The following TF variants were observed in gnomAD, a reference collection of about 807,000 sequenced individuals.
TF encodes transferrin, also known as serotransferrin.
Under a neutral mutation model 82.4 loss-of-function variants are expected in TF, and 55 were observed. The observed-to-expected ratio is 0.67, with a 90% CI of 0.54 to 0.84. The LOEUF (loss-of-function observed/expected upper bound fraction) is 0.84. TF is among the 40% of genes least tolerant of loss of function. TF has a pLI of 0.00. For missense variants in TF, 737 were observed against 868.4 expected (o/e 0.85, Z 1.90); for synonymous variants, 332 against 332.6 (o/e 1.00, Z 0.02).
At chr3:133,775,101 T>A (rs1934353381) in intron 14 of TF, 1 of 386,142 alleles carries the variant, frequency 2.6e-6, no homozygotes, top group Middle Eastern at 4.2e-4. Flanking sequence ...ACATTCTTCC[T>A]CTGTTGGAGC....
At chr3:133,707,515 G>C in the TF span, 1 of 152,146 alleles carries the variant, frequency 6.6e-6, no homozygotes, top group Non-Finnish European at 1.5e-5. Flanking sequence ...GGGTTCCACT[G>C]CCACCATTTA....
the TF span, among the ~76,000 whole-genome samples, chr3:133,671,445 G>A: frequency 6.6e-6 from 1 of 152,040 alleles, no homozygotes; most frequent in Non-Finnish European, 1.5e-5. Context: ...TAATAGAGAA[G>A]AGAGGCTGAA....
In TF at chr3:133,756,278, C is replaced by T. The variant is rs770638091; in HGVS notation, c.636-4C>T. ...AGCCCTGCTGATGTGTTTCTTTGAC[C>T]CAGGTGTCTGAAGGATGGTGCTGGG... is the stretch of plus-strand genomic sequence containing the variant. On this transcript the variant is annotated splice_polypyrimidine_tract_variant and splice_region_variant and intron_variant, in intron 5 of 16. Coordinates refer to ENST00000402696, the MANE Select transcript of TF (RefSeq NM_001063.4). 1.9e-6 allele frequency: 3 copies of T among 1,613,900 alleles called. No homozygotes were observed. The highest frequency in any genetic ancestry group is 2.5e-6 in the Non-Finnish European group (3 of 1,179,968).
chr3:133,725,799 T>C, the TF span, among the ~76,000 whole-genome samples: 59 of 152,268 alleles, frequency 3.9e-4, no homozygotes, highest in Middle Eastern at 3.4e-3. Flanking sequence ...GGGTTTGTCA[T>C]AGATAGCTCT....
In TF at chr3:133,756,347, G is replaced by A; in HGVS notation, c.691+10G>A. 1.2e-6 allele frequency: 2 copies of A among 1,613,926 alleles called. No individual in the cohort carries two copies. Among genetic ancestry groups the A allele is most frequent in the Non-Finnish European group, 1.7e-6 (2 of 1,179,920 alleles). ...CACTCGACTATATTTGGTAAGAATG[G>A]GACAAGAATCCACCAGGGCCACTCC... On this transcript the variant is annotated intron_variant, in intron 6 of 16. Transcript: ENST00000402696.
chr3:133,709,890 C>T, the TF span, among the ~76,000 whole-genome samples: 4 of 152,248 alleles, frequency 2.6e-5, no homozygotes, highest in Non-Finnish European at 5.9e-5. Flanking sequence ...GGGCAGATCT[C>T]AGGGAAATAG....
intron 8 of TF, among the ~76,000 whole-genome samples, chr3:133,758,599 AT>A (rs1933902904): frequency 6.6e-6 from 1 of 152,208 alleles, no homozygotes; most frequent in Admixed American, 6.5e-5. Flanking sequence ...ACAAAATACC[AT>A]GGCCCTATGA....
chr3:133,756,177 C>T (rs1212601490), intron 5 of TF, 105 bp from the exon 6 acceptor site: 2 of 1,126,134 alleles, frequency 1.8e-6, no homozygotes, highest in African/African-American at 1.5e-5. Context: ...GGGGCTGCAC[C>T]AGGCTCTATC....
Position 133,790,288 on chromosome 3 carries a change from A to G in TF, c.*11668A>G, listed in dbSNP as rs1455023460. 6.6e-6 allele frequency: 1 copy of G among 152,202 alleles called. No individual in the cohort carries two copies. The highest frequency in any genetic ancestry group is 1.5e-5 in the Non-Finnish European group (1 of 68,038). 9.4% of individuals were successfully genotyped at this position (152,202 alleles called of 1,614,324 possible). ...TCTTAACTATAAATTCCCATATCTG[A>G]TAGTTCAGGATTTCTAGCTTTTTAG... On this transcript the variant is annotated 3_prime_UTR_variant, in exon 17 of 17. Coordinates refer to ENST00000402696, the MANE Select transcript of TF (RefSeq NM_001063.4).
chr3:133,770,580 C>T lies in TF; in HGVS notation c.1687+8C>T, dbSNP rs1469188077. The T allele has an allele frequency of 3.1e-6, 5 of 1,614,036 alleles. No homozygotes were observed. The highest frequency in any genetic ancestry group is 2.5e-6 in the Non-Finnish European group (3 of 1,179,904). On this transcript the variant is annotated splice_region_variant and intron_variant, in intron 14 of 16. Coordinates refer to ENST00000402696, the MANE Select transcript of TF (RefSeq NM_001063.4). Reference sequence around the variant, plus strand: ...TCCCACAGAACACTGGGGGTAAGTGCACCTGCTCCTCTGTCCCCCTAGATC... The same window carrying T: ...TCCCACAGAACACTGGGGGTAAGTGTACCTGCTCCTCTGTCCCCCTAGATC...
upstream of TF, among the ~76,000 whole-genome samples, chr3:133,742,895 G>A (rs72974339): frequency 3.6e-3 from 551 of 152,312 alleles, 2 homozygotes; most frequent in African/African-American, 0.012. Context: ...GGGCCAACTC[G>A]TGGTTGAAAT....
the TF span, among the ~76,000 whole-genome samples, chr3:133,715,415 C>A: frequency 6.6e-6 from 1 of 152,206 alleles, no homozygotes; most frequent in African/African-American, 2.4e-5. Context: ...CTCGCTAAGT[C>A]CTGTCCTGCA....
chr3:133,713,616 A>G, the TF span, among the ~76,000 whole-genome samples: 3 of 152,242 alleles, frequency 2.0e-5, no homozygotes, highest in Non-Finnish European at 4.4e-5. Flanking sequence ...TAGTATTATA[A>G]TGAAGCTAAA....
intron 14 of TF, chr3:133,772,894 T>C (rs1934293997): frequency 1.3e-5 from 2 of 152,236 alleles, no homozygotes; most frequent in African/African-American, 4.8e-5. Context: ...ATCATACTTA[T>C]ATTTTGCACC....
the TF span, among the ~76,000 whole-genome samples, chr3:133,674,332 G>A: frequency 6.6e-6 from 1 of 152,222 alleles, no homozygotes; most frequent in Non-Finnish European, 1.5e-5. Context: ...AAGCTGCTCA[G>A]GCTCCGGGGT....
the TF span, among the ~76,000 whole-genome samples, chr3:133,722,982 A>T: frequency 1.3e-5 from 2 of 152,198 alleles, no homozygotes; most frequent in Non-Finnish European, 2.9e-5. Context: ...GAATTCTCTT[A>T]ACTTTTGCTT....
rs368973991 is a variant in TF, at chr3:133,783,258, A to T, written c.*4638A>T. On this transcript the variant is annotated 3_prime_UTR_variant, in exon 17 of 17. Coordinates refer to ENST00000402696, the MANE Select transcript of TF (RefSeq NM_001063.4). ...GATGACTGGAAAGGGTGGTAGTCAC[A>T]TGGAAATAATGAAGCAGAATAAAAG... is the stretch of plus-strand genomic sequence containing the variant. The T allele has an allele frequency of 9.2e-5, 14 of 152,362 alleles. No individual in the cohort carries two copies. The highest frequency in any genetic ancestry group is 2.9e-4 in the African/African-American group (12 of 41,590). The allele number at this position is 152,362 out of a possible 1,614,324, so 9.4% of individuals were successfully genotyped here. A position where few individuals can be genotyped will look rare whatever the true frequency, so the allele number is the denominator to read the frequency against.
the TF span, among the ~76,000 whole-genome samples, chr3:133,669,777 T>C: frequency 6.6e-6 from 1 of 152,228 alleles, no homozygotes; most frequent in Non-Finnish European, 1.5e-5. Context: ...ATGGGCTTTA[T>C]GTTACTAAGA....
chr3:133,757,543 C>T (rs934989613), intron 7 of TF, among the ~76,000 whole-genome samples: 6 of 152,212 alleles, frequency 3.9e-5, no homozygotes, highest in African/African-American at 1.4e-4. Context: ...TGTCTCAACC[C>T]GTTCCGGGAG....
Sources: gnomAD v4.1 joint callset for allele counts (sites outside exome capture counted in the v4.1 genomes callset) on GRCh38, gnomAD v4.1.1 for gene constraint, MANE v1.5 for transcripts, NCBI Gene and HGNC (gene_info 2026-07-23, HGNC 2026-07-21) for gene names.